The following NIPBL variants were observed in gnomAD, a reference collection of about 807,000 sequenced individuals.
The protein encoded by NIPBL is NIPBL cohesin loading factor.
A neutral mutation model predicts 321.8 loss-of-function variants in NIPBL; 19 were observed. That is an observed-to-expected ratio of 0.06 (90% CI 0.04 to 0.09). NIPBL has a LOEUF of 0.09. NIPBL is among the 10% of genes least tolerant of loss of function. The pLI is 1.00. For missense variants in NIPBL, 2,210 were observed against 3,327.0 expected (o/e 0.66, Z 8.26); for synonymous variants, 1,106 against 1,114.1 (o/e 0.99, Z 0.14).
intron 1 of NIPBL, among the ~76,000 whole-genome samples, chr5:36,925,355 G>A (rs940755361): frequency 2.0e-5 from 3 of 149,298 alleles, no homozygotes; most frequent in East Asian, 2.0e-4. Context: ...TGCAACCTCC[G>A]CCTCCTGGGT....
chr5:36,900,006 T>A (rs1747079597), intron 1 of NIPBL, among the ~76,000 whole-genome samples: 1 of 152,220 alleles, frequency 6.6e-6, no homozygotes, highest in Non-Finnish European at 1.5e-5. Flanking sequence ...AAGCCTTTAA[T>A]AGCCTTATTC....
chr5:36,983,685 C>G (rs765806744), intron 9 of NIPBL, among the ~76,000 whole-genome samples: 1 of 151,930 alleles, frequency 6.6e-6, no homozygotes, highest in Non-Finnish European at 1.5e-5. Context: ...TTCCCAAGAC[C>G]TAACTGGAGA....
At chr5:37,046,307 A>T (rs1351259270) in intron 38 of NIPBL, 108 bp downstream of exon 38, 2 of 720,492 alleles carry the variant, frequency 2.8e-6, no homozygotes, top group African/African-American at 3.5e-5. Flanking sequence ...TTCTATTAGC[A>T]GTAGGATTTG....
rs983077914 is a variant in NIPBL at position 36,985,309 on chromosome 5, G to A, written c.2129G>A (p.Arg710Gln). Residue 710 changes from arginine (R) to glutamine (Q), a missense_variant, in exon 10 of 47, where the codon CGG becomes CAG. Physicochemically the swap from Arg to Gln is conservative, Grantham distance 43. Around this residue, in one of 14 missense-constraint regions of NIPBL, gnomAD observed 588 missense variants for 564.1 expected, o/e 1.04. Coordinates refer to ENST00000282516, the MANE Select transcript of NIPBL (RefSeq NM_133433.4). ...ACCCCAAAGCAAAAGGGTGAAAGCC[G>A]GCCTGAGACTCCAAAACAAAAGAGT... Reference protein sequence around the residue: ...PETPKQKGESRPETPKQKSDG... With the variant: ...PETPKQKGESQPETPKQKSDG... 38 of 1,613,570 alleles carry A rather than the reference G, an allele frequency of 2.4e-5. No individual in the cohort carries two copies. The highest frequency in any genetic ancestry group is 3.3e-4 in the Middle Eastern group (2 of 6,058).
At chr5:37,023,506 ATTTTTTACTTCTTTTC>A (rs1280683551) in intron 29 of NIPBL, among the ~76,000 whole-genome samples, 1 of 152,050 alleles carries the variant, frequency 6.6e-6, no homozygotes, top group Admixed American at 6.6e-5. Flanking sequence ...TAAGTCAAAC[ATTTTTTACTTCTTTTC>A]TTGTGAACAC....
chr5:36,953,563 A>G, intron 1 of NIPBL, 55 bp from the exon 2 acceptor site: 1 of 776,138 alleles, frequency 1.3e-6, no homozygotes, highest in Non-Finnish European at 2.3e-6. Context: ...CATTTTCCTG[A>G]TAGTAATATA....
intron 22 of NIPBL, among the ~76,000 whole-genome samples, chr5:37,015,278 C>G (rs1290981309): frequency 2.6e-5 from 4 of 152,174 alleles, no homozygotes; most frequent in Non-Finnish European, 5.9e-5. Flanking sequence ...CATGCACCAC[C>G]ATGGCCAGCT....
Position 37,062,587 on chromosome 5 carries a change from T to C in NIPBL, c.7861-1203T>C, listed in dbSNP as rs1381418845. Among the ~76,000 whole-genome samples the C allele has an allele frequency of 4.6e-5, 7 of 152,070 alleles. No homozygotes were observed. In the East Asian group the frequency reaches 1.3e-3, roughly 29 times the overall value. ...CAGCTCTGGAAATGGACAGTGGTGA[T>C]AGTTGTACAATATGCCAATGAATTA... On this transcript the variant is annotated intron_variant, in intron 45 of 46. Coordinates refer to ENST00000282516, the MANE Select transcript of NIPBL (RefSeq NM_133433.4).
chr5:37,045,341 G>A, intron 36 of NIPBL, 102 bp from the exon 37 acceptor site: 1 of 863,914 alleles, frequency 1.2e-6, no homozygotes, highest in East Asian at 2.7e-5. Context: ...GTGACAGTGA[G>A]ACTCCATCTC....
intron 1 of NIPBL, among the ~76,000 whole-genome samples, chr5:36,946,161 G>C (rs554338529): frequency 1.1e-4 from 17 of 152,034 alleles, no homozygotes; most frequent in African/African-American, 3.4e-4. Flanking sequence ...CAGAAATCTT[G>C]CTCCTCTTTT....
At chr5:36,892,626 A>T (rs1746427391) in intron 1 of NIPBL, among the ~76,000 whole-genome samples, 1 of 152,206 alleles carries the variant, frequency 6.6e-6, no homozygotes, top group Non-Finnish European at 1.5e-5. Flanking sequence ...GGATGAGTTC[A>T]TGTCCTTTGT....
intron 9 of NIPBL, among the ~76,000 whole-genome samples, chr5:36,982,803 C>T (rs1051866669): frequency 6.6e-6 from 1 of 151,826 alleles, no homozygotes; most frequent in Non-Finnish European, 1.5e-5. Context: ...GAAGACTGTG[C>T]ATAAAAGAGT....
intron 10 of NIPBL, among the ~76,000 whole-genome samples, chr5:36,987,111 C>G (rs1744908688): frequency 6.6e-6 from 1 of 152,098 alleles, no homozygotes; most frequent in East Asian, 1.9e-4. Context: ...AACTCCTGGC[C>G]TCAAGTGATC....
intron 1 of NIPBL, among the ~76,000 whole-genome samples, chr5:36,938,370 G>A (rs962258049): frequency 1.3e-5 from 2 of 151,954 alleles, no homozygotes; most frequent in Admixed American, 6.6e-5. Context: ...ACCACACCAC[G>A]AGTGAGAAAG....
At position 36,986,163 on chromosome 5, in the gene NIPBL, C is replaced by T. The variant is rs1744775354; in HGVS notation, c.2983C>T (p.Leu995=). The stretch of plus-strand genomic sequence containing the variant: ...AGAAAAAATAGGATTAGTTGAAGAT[C>T]TAAATAAAGGAGCTAAGCCTGTAGT... ...KVEKIGLVED[L]NKGAKPVVVL... Residue 995 remains leucine, a synonymous_variant, in exon 10 of 47, where the codon CTA becomes TTA. Coordinates refer to ENST00000282516, the MANE Select transcript of NIPBL (RefSeq NM_133433.4). 2 of 1,613,592 alleles carry T rather than the reference C, an allele frequency of 1.2e-6. No individual in the cohort carries two copies. Among genetic ancestry groups the T allele is most frequent in the Non-Finnish European group, 1.7e-6 (2 of 1,179,828 alleles).
intron 10 of NIPBL, among the ~76,000 whole-genome samples, chr5:36,989,931 A>G (rs1215352984): frequency 6.6e-6 from 1 of 150,962 alleles, no homozygotes; most frequent in Non-Finnish European, 1.5e-5. Context: ...AATTACAAAC[A>G]TATTTGATTT....
In NIPBL at chr5:36,985,071, G is replaced by T. The variant is rs142820200; in HGVS notation, c.1891G>T (p.Val631Leu). Residue 631 changes from valine (V) to leucine (L), a missense_variant, in exon 10 of 47, where the codon GTG becomes TTG. This residue lies in a region of NIPBL where 588 missense variants were observed against 564.1 expected (regional missense o/e 1.04). Coordinates refer to ENST00000282516, the MANE Select transcript of NIPBL (RefSeq NM_133433.4). ...ATCTAAACCAAATGAAAACCGATTG[G>T]TGGAGACAAAATCAAGTGAAAATAA... ...AESKPNENRL[V>L]ETKSSENKLE... 119 of 1,613,816 alleles carry T rather than the reference G, an allele frequency of 7.4e-5. 1 individual carries two copies. In the African/African-American group the frequency reaches 1.2e-3, roughly 17 times the overall value.
At chr5:37,040,930 A>G (rs1284533516) in intron 34 of NIPBL, among the ~76,000 whole-genome samples, 1 of 152,180 alleles carries the variant, frequency 6.6e-6, no homozygotes. Context: ...AAGGTTGAGC[A>G]TCTTTTCTTG....
chr5:36,939,133 G>A (rs1738783625), intron 1 of NIPBL, among the ~76,000 whole-genome samples: 2 of 152,070 alleles, frequency 1.3e-5, no homozygotes, highest in Admixed American at 1.3e-4. Flanking sequence ...CTCCCAAATA[G>A]CTGGGACTAC....
Sources: allele counts gnomAD v4.1 joint callset (sites outside exome capture counted in the v4.1 genomes callset), GRCh38; gene constraint gnomAD v4.1.1; regional missense constraint gnomAD v4.1.1; transcripts MANE v1.5; gene names NCBI Gene and HGNC (gene_info 2026-07-23, HGNC 2026-07-21).